SORBS2: variants seen among roughly 807,000 people sequenced by gnomAD.
SORBS2 encodes sorbin and SH3 domain-containing protein 2.
SORBS2 carries 46 observed loss-of-function variants against 97.7 expected under a neutral mutation model. That is an observed-to-expected ratio of 0.47 (90% CI 0.37 to 0.60). The LOEUF is 0.60. Among genes scored for constraint, SORBS2 ranks in the 20% least tolerant of loss-of-function variants. The probability of loss-of-function intolerance (pLI) is 0.00; values close to 1 mark genes in which losing one functional copy is unlikely to be tolerated. For missense variants in SORBS2, 1,316 were observed against 1,282.3 expected (o/e 1.03, Z -0.40); for synonymous variants, 476 against 473.4 (o/e 1.01, Z -0.07).
intron 1 of SORBS2, among the ~76,000 whole-genome samples, chr4:185,926,554 TG>T (rs60031831): frequency 0.33 from 45,111 of 138,068 alleles, 7,220 homozygotes; most frequent in Non-Finnish European, 0.4. Context: ...GTTGTGGTTT[TG>T]TTTTTTTTTT....
rs559271213 is a variant in SORBS2 at position 185,610,182 on chromosome 4, A to G, written c.2796+1598T>C. Among the ~76,000 whole-genome samples the G allele has an allele frequency of 6.5e-4, 99 of 152,334 alleles. 1 individual carries two copies. Among genetic ancestry groups the G allele is most frequent in the African/African-American group, 2.2e-3 (92 of 41,590 alleles). ...ATTAGGACATATGGAAGAATTTGTTAGATGTTTAATGAGCTTTTGTACATA... is the reference window on the plus strand; with the variant it reads ...ATTAGGACATATGGAAGAATTTGTTGGATGTTTAATGAGCTTTTGTACATA... On this transcript the variant is annotated intron_variant, in intron 12 of 14. Transcript: ENST00000418609.
intron 2 of SORBS2, among the ~76,000 whole-genome samples, chr4:185,723,258 TG>T (rs1457906951): frequency 2.0e-5 from 3 of 152,218 alleles, no homozygotes; most frequent in Non-Finnish European, 4.4e-5. Context: ...GCTGGTAGCA[TG>T]GTGGCAACTT....
At chr4:185,949,414 C>T (rs555458964) in intron 1 of SORBS2, among the ~76,000 whole-genome samples, 7 of 152,208 alleles carry the variant, frequency 4.6e-5, no homozygotes, top group African/African-American at 1.7e-4. Context: ...ATTTAAACCT[C>T]AAGTAAAATG....
At chr4:185,656,757 G>A (rs935328581) in exon 1 of SORBS2, 34 of 1,522,942 alleles carry the variant, frequency 2.2e-5, no homozygotes, top group Middle Eastern at 1.7e-4. Flanking sequence ...GCGTTTTGCC[G>A]GAAGGGGCTG....
At chr4:185,753,009 C>T (rs2098810591) in intron 2 of SORBS2, among the ~76,000 whole-genome samples, 1 of 152,196 alleles carries the variant, frequency 6.6e-6, no homozygotes, top group Admixed American at 6.5e-5. Flanking sequence ...GCCGCTGCTA[C>T]TAAGATGAAA....
intron 1 of SORBS2, among the ~76,000 whole-genome samples, chr4:185,784,071 C>A (rs1175641580): frequency 6.6e-6 from 1 of 152,158 alleles, no homozygotes; most frequent in Non-Finnish European, 1.5e-5. Context: ...GGCAAGGCAT[C>A]CTGTTGAAAA....
chr4:185,643,404 G>C (rs1038392296), intron 4 of SORBS2, among the ~76,000 whole-genome samples: 3 of 152,208 alleles, frequency 2.0e-5, no homozygotes, highest in East Asian at 1.9e-4. Flanking sequence ...CTGGAGCCCA[G>C]TCACAGGTCT....
chr4:185,749,109 G>C (rs2098783265), intron 2 of SORBS2, among the ~76,000 whole-genome samples: 1 of 152,206 alleles, frequency 6.6e-6, no homozygotes, highest in South Asian at 2.1e-4. Flanking sequence ...CCACCAGTAG[G>C]GATCGGCAGG....
At chr4:185,846,198 A>T (rs2099214452) in intron 1 of SORBS2, among the ~76,000 whole-genome samples, 1 of 152,234 alleles carries the variant, frequency 6.6e-6, no homozygotes, top group Admixed American at 6.5e-5. Context: ...ACATCCATAC[A>T]ACAGAATGTT....
intron 1 of SORBS2, among the ~76,000 whole-genome samples, chr4:185,788,269 A>G (rs1311094583): frequency 6.6e-6 from 1 of 152,248 alleles, no homozygotes; most frequent in African/African-American, 2.4e-5. Context: ...TTTCATAGAG[A>G]AAGAAAAGAG....
At chr4:185,915,150 T>A (rs1263279575) in intron 1 of SORBS2, among the ~76,000 whole-genome samples, 2 of 152,242 alleles carry the variant, frequency 1.3e-5, no homozygotes, top group Non-Finnish European at 2.9e-5. Context: ...ATTTTAAAAC[T>A]TTTTTCGGCC....
At chr4:185,768,631 G>A (rs769621311) in intron 2 of SORBS2, among the ~76,000 whole-genome samples, 1 of 150,900 alleles carries the variant, frequency 6.6e-6, no homozygotes, top group Non-Finnish European at 1.5e-5. Context: ...CCTGGGAGGC[G>A]GAGGTTGCAG....
intron 1 of SORBS2, among the ~76,000 whole-genome samples, chr4:185,785,219 TA>T (rs5864962): frequency 0.79 from 118,479 of 149,072 alleles, 47,569 homozygotes; most frequent in Non-Finnish European, 0.87. Context: ...TTTGAGCGTT[TA>T]AAAAAAAAAA....
intron 2 of SORBS2, among the ~76,000 whole-genome samples, chr4:185,755,290 C>T (rs972592679): frequency 1.3e-5 from 2 of 152,208 alleles, no homozygotes; most frequent in African/African-American, 4.8e-5. Flanking sequence ...CAAGCACAGC[C>T]AATTCACTGA....
intron 1 of SORBS2, among the ~76,000 whole-genome samples, chr4:185,845,228 C>T (rs965466803): frequency 1.3e-5 from 2 of 151,962 alleles, no homozygotes; most frequent in Non-Finnish European, 2.9e-5. Flanking sequence ...CGAGGTTGCC[C>T]AGGTTGGTCT....
chr4:185,728,647 G>T (rs540687147), intron 2 of SORBS2, among the ~76,000 whole-genome samples: 5 of 152,162 alleles, frequency 3.3e-5, no homozygotes, highest in Admixed American at 3.3e-4. Flanking sequence ...AATCGGAGTC[G>T]TTCCTAATTC....
chr4:185,941,988 C>A (rs896204178), intron 1 of SORBS2, among the ~76,000 whole-genome samples: 2 of 151,970 alleles, frequency 1.3e-5, no homozygotes, highest in Non-Finnish European at 2.9e-5. Flanking sequence ...TGGTTGTGCA[C>A]GCCTGTAATT....
chr4:185,649,734 C>T (rs985964498), intron 2 of SORBS2, 78 bp from the exon 12 acceptor site: 26 of 952,688 alleles, frequency 2.7e-5, no homozygotes, highest in Non-Finnish European at 3.8e-5. Flanking sequence ...TATTTGTCCC[C>T]CTCAAAATAG....
intron 1 of SORBS2, among the ~76,000 whole-genome samples, chr4:185,794,596 G>A (rs760429589): frequency 7.9e-5 from 12 of 152,080 alleles, no homozygotes; most frequent in Non-Finnish European, 1.5e-4. Context: ...GTTCTCCCCC[G>A]CCACCCCTCT....
Sources: allele counts gnomAD v4.1 joint callset (sites outside exome capture counted in the v4.1 genomes callset), GRCh38; gene constraint gnomAD v4.1.1; transcripts MANE v1.5; gene names NCBI Gene and HGNC (gene_info 2026-07-23, HGNC 2026-07-21).